Variants in FAM124B observed in about 807,000 individuals in gnomAD.
FAM124B encodes the protein protein FAM124B.
Under a neutral mutation model 19.7 loss-of-function variants are expected in FAM124B, and 18 were observed. That is an observed-to-expected ratio of 0.92 (90% CI 0.63 to 1.36). The LOEUF (loss-of-function observed/expected upper bound fraction) is 1.36. Ranked by LOEUF, FAM124B falls within the 40% of genes most tolerant of loss-of-function variation. FAM124B has a pLI of 0.00. For missense variants in FAM124B, 540 were observed against 553.3 expected, an observed-to-expected ratio of 0.98 and a Z score of 0.24; for synonymous variants, 223 against 225.2, an observed-to-expected ratio of 0.99 and a Z score of 0.09.
chr2:224,395,998 T>C (rs1689963674), intron 1 of FAM124B, among the ~76,000 whole-genome samples: 1 of 152,234 alleles, frequency 6.6e-6, no homozygotes, highest in Non-Finnish European at 1.5e-5. Flanking sequence ...CATCAGTGAC[T>C]GCTCATTTCA....
intron 1 of FAM124B, chr2:224,400,654 C>T (rs74855027): frequency 0.044 from 23,794 of 537,380 alleles, 754 homozygotes; most frequent in Non-Finnish European, 0.053. Context: ...GGCATTTAAA[C>T]GGCAAGCCTG....
intron 1 of FAM124B, among the ~76,000 whole-genome samples, chr2:224,397,462 T>C (rs1481393511): frequency 6.6e-6 from 1 of 152,074 alleles, no homozygotes; most frequent in Non-Finnish European, 1.5e-5. Context: ...TTGGTATCAG[T>C]AGAGTGGGGC....
chr2:224,393,786 TG>T (rs1244757080), intron 1 of FAM124B, among the ~76,000 whole-genome samples: 1 of 152,218 alleles, frequency 6.6e-6, no homozygotes, highest in Non-Finnish European at 1.5e-5. Flanking sequence ...TAGAATTCTT[TG>T]GGGGGTTTTT....
rs992412589 is a variant in FAM124B, at chr2:224,380,436, G to T, written c.733-228C>A. Among the ~76,000 whole-genome samples the T allele has an allele frequency of 3.3e-5, 5 of 152,082 alleles. No individual in the cohort carries two copies. The South Asian group carries it at 6.2e-4, about 19-fold the overall frequency. ...CTCCCTAAATTAAGTTTTTGACAAGGGTAAGACTTTGGGAATCAAATGGCC... is the reference window on the plus strand; with the variant it reads ...CTCCCTAAATTAAGTTTTTGACAAGTGTAAGACTTTGGGAATCAAATGGCC... On this transcript the variant is annotated intron_variant, in intron 1 of 1. Coordinates refer to ENST00000409685, the MANE Select transcript of FAM124B (RefSeq NM_001122779.2).
rs1468585368 is a variant in FAM124B at position 224,379,342 on chromosome 2, GT to G, written c.*230del. On this transcript the variant is annotated 3_prime_UTR_variant, in exon 2 of 2. Coordinates refer to ENST00000409685, the MANE Select transcript of FAM124B (RefSeq NM_001122779.2). ...CATCTCCACGGAACAAAAGCATTCG[GT>G]TTTTTTCCCTGTGTGTTGGCTGTGT... The G allele has an allele frequency of 3.4e-5, 19 of 560,714 alleles. No homozygotes were observed. The highest frequency in any genetic ancestry group is 4.6e-5 in the Non-Finnish European group (16 of 344,812). The allele number at this position is 560,714 out of a possible 1,614,324, so 34.7% of individuals were successfully genotyped here. A position where few individuals can be genotyped will look rare whatever the true frequency, so the allele number is the denominator to read the frequency against.
chr2:224,401,803 T>A lies in FAM124B; in HGVS notation c.-35A>T. The stretch of plus-strand genomic sequence containing the variant: ...GCCTGAGGCTGACAAAGACAGCGTG[T>A]GTAGAAGGCCCACTGTTCAAGTTTC... On this transcript the variant is annotated 5_prime_UTR_variant, in exon 1 of 2. Coordinates refer to ENST00000409685, the MANE Select transcript of FAM124B (RefSeq NM_001122779.2). The A allele has an allele frequency of 6.3e-7, 1 of 1,581,596 alleles. No individual in the cohort carries two copies.
At position 224,379,875 on chromosome 2, in the gene FAM124B, TCTGAAAG is replaced by T; in HGVS notation, c.1059_1065del (p.Ser353ArgfsTer13). 1 of 1,552,094 alleles carries T rather than the reference TCTGAAAG, an allele frequency of 6.4e-7. No individual in the cohort carries two copies. Among genetic ancestry groups the T allele is most frequent in the Non-Finnish European group, 8.7e-7 (1 of 1,147,098 alleles). On this transcript the variant is annotated frameshift_variant, in exon 2 of 2. Transcript: ENST00000409685. LOFTEE classifies it low-confidence loss of function (END_TRUNC). ...TCAACATTCGTCTCGGCCTCAAGCT[TCTGAAAG>T]CTGTTTTCCCGGTTGAGGACCTTCA...
At chr2:224,391,183 A>T (rs989070860) in intron 1 of FAM124B, among the ~76,000 whole-genome samples, 9 of 150,912 alleles carry the variant, frequency 6.0e-5, no homozygotes, top group Non-Finnish European at 1.0e-4. Flanking sequence ...TCTACTAAAA[A>T]TACGAAAATT....
At chr2:224,392,518 G>T (rs1220646251) in intron 1 of FAM124B, among the ~76,000 whole-genome samples, 1 of 152,146 alleles carries the variant, frequency 6.6e-6, no homozygotes, top group Non-Finnish European at 1.5e-5. Flanking sequence ...ACTTTAGGAT[G>T]CTGAGGCTGG....
At chr2:224,396,502 A>G (rs1689971881) in intron 1 of FAM124B, among the ~76,000 whole-genome samples, 2 of 152,080 alleles carry the variant, frequency 1.3e-5, no homozygotes, top group African/African-American at 4.8e-5. Context: ...CAGAGAGGTT[A>G]GTTTGTGGTT....
At chr2:224,393,694 G>C (rs1689924490) in intron 1 of FAM124B, among the ~76,000 whole-genome samples, 2 of 152,158 alleles carry the variant, frequency 1.3e-5, no homozygotes, top group Admixed American at 6.5e-5. Flanking sequence ...AGGAGACCTG[G>C]GAGGGACCTC....
intron 1 of FAM124B, among the ~76,000 whole-genome samples, chr2:224,384,804 G>A (rs556944375): frequency 3.3e-5 from 5 of 152,062 alleles, no homozygotes; most frequent in Non-Finnish European, 5.9e-5. Flanking sequence ...GAAAGTGACC[G>A]GTCCCTGGGC....
intron 1 of FAM124B, among the ~76,000 whole-genome samples, chr2:224,381,778 G>A (rs1689722522): frequency 6.6e-6 from 1 of 152,156 alleles, no homozygotes; most frequent in African/African-American, 2.4e-5. Context: ...CTCTTTTCGG[G>A]GGGAAGGTTG....
intron 1 of FAM124B, among the ~76,000 whole-genome samples, chr2:224,381,750 T>C (rs1053921552): frequency 6.6e-6 from 1 of 152,108 alleles, no homozygotes; most frequent in Non-Finnish European, 1.5e-5. Flanking sequence ...TGATAAAGGA[T>C]GTTGACAGGA....
intron 1 of FAM124B, among the ~76,000 whole-genome samples, chr2:224,386,703 A>G (rs1338855953): frequency 6.6e-6 from 1 of 152,208 alleles, no homozygotes; most frequent in Non-Finnish European, 1.5e-5. Context: ...GCAGGCTTAT[A>G]TACACCTTCT....
chr2:224,395,778 T>C (rs116353906), intron 1 of FAM124B, among the ~76,000 whole-genome samples: 1 of 152,216 alleles, frequency 6.6e-6, no homozygotes, highest in Non-Finnish European at 1.5e-5. Context: ...GGCATCAGAC[T>C]GTCTGCAATG....
chr2:224,386,978 C>T (rs76413714), intron 1 of FAM124B, among the ~76,000 whole-genome samples: 1,764 of 152,148 alleles, frequency 0.012, 13 homozygotes, highest in Non-Finnish European at 0.018. Flanking sequence ...GGGGAATGTC[C>T]ACTTTTTTTA....
intron 1 of FAM124B, among the ~76,000 whole-genome samples, chr2:224,388,955 C>T (rs1020416795): frequency 2.0e-5 from 3 of 152,050 alleles, no homozygotes; most frequent in East Asian, 1.9e-4. Context: ...ATTTTTGAGA[C>T]GGAGTCTCGC....
intron 1 of FAM124B, among the ~76,000 whole-genome samples, chr2:224,387,820 T>C (rs1292819976): frequency 6.6e-6 from 1 of 152,138 alleles, no homozygotes. Flanking sequence ...AAGGAGAACA[T>C]GGAGCCCTCA....
Sources: allele counts gnomAD v4.1 joint callset (sites outside exome capture counted in the v4.1 genomes callset), GRCh38; gene constraint gnomAD v4.1.1; transcripts MANE v1.5; gene names NCBI Gene and HGNC (gene_info 2026-07-23, HGNC 2026-07-21).